RARS1: variants seen among roughly 807,000 people sequenced by gnomAD.
The protein encoded by RARS1 is arginyl-tRNA synthetase 1.
A neutral mutation model predicts 78.7 loss-of-function variants in RARS1; 75 were observed. The observed-to-expected ratio is 0.95, with a 90% confidence interval of 0.79 to 1.15. The LOEUF is 1.15. Among genes scored for constraint, RARS1 ranks in the 50% most tolerant of loss-of-function variants. The pLI is 0.00. For missense variants in RARS1, 787 were observed against 787.5 expected, an observed-to-expected ratio of 1.00 and a Z score of 0.01; for synonymous variants, 273 against 268.2, an observed-to-expected ratio of 1.02 and a Z score of -0.18.
At chr5:168,499,402 T>C (rs752290460) in intron 7 of RARS1, among the ~76,000 whole-genome samples, 3 of 152,216 alleles carry the variant, frequency 2.0e-5, no homozygotes, top group Non-Finnish European at 2.9e-5. Context: ...AAATTTATTT[T>C]AATGTGAGTT....
chr5:168,495,206 G>T (rs1758159084), intron 5 of RARS1, 109 bp from the exon 6 acceptor site: 1 of 1,446,954 alleles, frequency 6.9e-7, no homozygotes, highest in Non-Finnish European at 9.2e-7. Flanking sequence ...TATTAAATGT[G>T]TTATTAATGA....
chr5:168,487,663 T>G (rs1259569551), intron 1 of RARS1, among the ~76,000 whole-genome samples: 1 of 152,244 alleles, frequency 6.6e-6, no homozygotes, highest in Non-Finnish European at 1.5e-5. Flanking sequence ...TTTGGCAATT[T>G]GGTTTTGGCT....
At chr5:168,488,541 G>A (rs1758015741) in intron 1 of RARS1, 61 bp from the exon 2 acceptor site, 1 of 1,530,588 alleles carries the variant, frequency 6.5e-7, no homozygotes, top group Admixed American at 2.0e-5. Context: ...CCACGCCTTG[G>A]TAGAGAGGGG....
Position 168,488,684 on chromosome 5 carries a change from A to T in RARS1, c.128A>T (p.Gln43Leu), listed in dbSNP as rs763567263. The T allele has an allele frequency of 1.2e-6, 2 of 1,611,888 alleles. No individual in the cohort carries two copies. The change falls in exon 2 of 15, where the codon CAG becomes CTG. Residue 43 changes from glutamine (Q) to leucine (L), a missense_variant. Physicochemically the swap from Gln to Leu is moderately radical, Grantham distance 113. Coordinates refer to ENST00000231572, the MANE Select transcript of RARS1 (RefSeq NM_002887.4). ...GCLGASPNLEQLQEENLKLKY... is the reference protein window; with the variant it reads ...GCLGASPNLELLQEENLKLKY... ...TTAGGAGCTTCTCCAAATTTGGAGC[A>T]GTTACAAGAAGAAAATTTAAAATTA...
Position 168,492,783 on chromosome 5 carries a change from T to A in RARS1, c.305T>A (p.Val102Glu), listed in dbSNP as rs1397884355. 6.2e-7 allele frequency: 1 copy of A among 1,613,880 alleles called. No homozygotes were observed. Among genetic ancestry groups the A allele is most frequent in the Non-Finnish European group, 8.5e-7 (1 of 1,179,862 alleles). ...YPDLENPPLLVTPSQQAKFGD... is the reference protein window; with the variant it reads ...YPDLENPPLLETPSQQAKFGD... ...GATTTGGAAAATCCTCCTCTGCTAG[T>A]GACACCAAGTCAGCAGGCCAAGTTT... Residue 102 changes from valine (V) to glutamate (E), a missense_variant, in exon 3 of 15, where the codon GTG becomes GAG. Val to Glu is a moderately radical substitution (Grantham distance 121). Transcript: ENST00000231572.
intron 12 of RARS1, among the ~76,000 whole-genome samples, chr5:168,510,962 G>A (rs2152905920): frequency 6.6e-6 from 1 of 152,278 alleles, no homozygotes; most frequent in East Asian, 1.9e-4. Flanking sequence ...CCCAAAGATG[G>A]GAGAATATTG....
chr5:168,500,247 A>G (rs1758289407), intron 7 of RARS1, among the ~76,000 whole-genome samples: 1 of 150,746 alleles, frequency 6.6e-6, no homozygotes, highest in Admixed American at 6.6e-5. Flanking sequence ...ATTCAGGACC[A>G]CATCCAAAAT....
chr5:168,487,748 G>A (rs1350925291), intron 1 of RARS1, among the ~76,000 whole-genome samples: 2 of 152,192 alleles, frequency 1.3e-5, no homozygotes, highest in Non-Finnish European at 2.9e-5. Flanking sequence ...TAAGTTGGAA[G>A]CTTTATTTCT....
intron 9 of RARS1, among the ~76,000 whole-genome samples, chr5:168,504,067 A>G: frequency 6.6e-6 from 1 of 151,524 alleles, no homozygotes; most frequent in East Asian, 1.9e-4. Context: ...TCTCTGAAAA[A>G]AAAAAAAAAA....
At chr5:168,493,589 ACACCACTG>A (rs909052820) in intron 3 of RARS1, among the ~76,000 whole-genome samples, 1 of 146,322 alleles carries the variant, frequency 6.8e-6, no homozygotes, top group African/African-American at 2.6e-5. Flanking sequence ...AGCCGAGATC[ACACCACTG>A]CACTCCAGCC....
At chr5:168,508,966 T>C (rs538936940) in intron 11 of RARS1, among the ~76,000 whole-genome samples, 2 of 152,170 alleles carry the variant, frequency 1.3e-5, no homozygotes, top group East Asian at 1.9e-4. Context: ...TACTGACTTA[T>C]TAGGTCTAAA....
chr5:168,502,504 C>A (rs1758351790), intron 9 of RARS1, among the ~76,000 whole-genome samples: 1 of 147,152 alleles, frequency 6.8e-6, no homozygotes, highest in African/African-American at 2.5e-5. Context: ...AACTACCATA[C>A]CCAGCCAATA....
intron 2 of RARS1, among the ~76,000 whole-genome samples, 188 bp from the exon 3 acceptor site, chr5:168,492,471 A>G (rs1028121594): frequency 1.1e-4 from 16 of 152,202 alleles, no homozygotes; most frequent in Non-Finnish European, 1.6e-4. Flanking sequence ...GATGTCTTAG[A>G]TGCCGTGGGA....
At chr5:168,506,890 C>G in intron 11 of RARS1, 59 bp downstream of exon 11, 1 of 1,278,188 alleles carries the variant, frequency 7.8e-7, no homozygotes, top group South Asian at 1.2e-5. Flanking sequence ...GGCTACTTTT[C>G]ATTTGATACC....
chr5:168,508,839 A>G (rs920177389), intron 11 of RARS1, among the ~76,000 whole-genome samples: 6 of 151,962 alleles, frequency 3.9e-5, no homozygotes, highest in Admixed American at 1.3e-4. Flanking sequence ...ATGCTCCACA[A>G]TGTGTATATG....
intron 9 of RARS1, among the ~76,000 whole-genome samples, chr5:168,502,384 A>ATATATATATATATTTTTTTT (rs1280220276): frequency 7.1e-5 from 9 of 127,244 alleles, no homozygotes; most frequent in African/African-American, 2.5e-4. Context: ...ATATATATAT[A>ATATATATATATATTTTTTTT]TTTTTTTTTT....
At chr5:168,488,174 C>G (rs1446303366) in intron 1 of RARS1, 1 of 384,524 alleles carries the variant, frequency 2.6e-6, no homozygotes, top group East Asian at 8.9e-5. Context: ...GTCAAGCAGA[C>G]TGGAGTGCAG....
At chr5:168,501,917 T>C (rs1758333096) in intron 8 of RARS1, 84 bp from the exon 9 acceptor site, 1 of 1,501,358 alleles carries the variant, frequency 6.7e-7, no homozygotes. Context: ...TATTAATAAA[T>C]TTATTTCAAT....
intron 7 of RARS1, among the ~76,000 whole-genome samples, chr5:168,498,446 A>G (rs948647743): frequency 6.6e-6 from 1 of 152,138 alleles, no homozygotes; most frequent in Non-Finnish European, 1.5e-5. Context: ...CTTTCTTTGA[A>G]TCCTTGACTT....
Sources: allele counts gnomAD v4.1 joint callset (sites outside exome capture counted in the v4.1 genomes callset), GRCh38; gene constraint gnomAD v4.1.1; transcripts MANE v1.5; gene names NCBI Gene and HGNC (gene_info 2026-07-23, HGNC 2026-07-21).